Variants in PPIP5K1 observed in about 807,000 individuals in gnomAD.
PPIP5K1 encodes the protein inositol hexakisphosphate and diphosphoinositol-pentakisphosphate kinase 1.
A neutral mutation model predicts 27.7 loss-of-function variants in PPIP5K1; 6 were observed. The observed-to-expected ratio is 0.22, with a 90% CI of 0.12 to 0.43. PPIP5K1 has a LOEUF of 0.43. PPIP5K1 is among the 20% of genes least tolerant of loss of function. PPIP5K1 has a pLI of 1.00. For synonymous variants in PPIP5K1, 145 were observed against 242.6 expected, an observed-to-expected ratio of 0.60 and a Z score of 3.74; for missense variants, 394 against 635.4, an observed-to-expected ratio of 0.62 and a Z score of 4.08.
At chr15:43,537,007 A>G (rs750047486) in intron 31 of PPIP5K1, among the ~76,000 whole-genome samples, 6 of 152,078 alleles carry the variant, frequency 3.9e-5, no homozygotes, top group Non-Finnish European at 7.4e-5. Flanking sequence ...TCCATCATTG[A>G]GTTGAAGGTA....
chr15:43,557,657 T>C (rs1017648760), intron 30 of PPIP5K1, among the ~76,000 whole-genome samples: 11 of 149,228 alleles, frequency 7.4e-5, no homozygotes, highest in South Asian at 4.3e-4. Context: ...TCTCTTCTCT[T>C]TCTCTCTCTC....
intron 10 of PPIP5K1, among the ~76,000 whole-genome samples, chr15:43,579,493 A>ACACATATGTGTATATAGATG (rs1301839577): frequency 7.9e-5 from 8 of 100,756 alleles, no homozygotes; most frequent in East Asian, 3.8e-4. Flanking sequence ...ATATAGATAC[A>ACACATATGTGTATATAGATG]CACATATGTG....
chr15:43,535,083 T>C lies in PPIP5K1; in HGVS notation c.4064A>G (p.His1355Arg), dbSNP rs375329079. 9.3e-6 allele frequency: 15 copies of C among 1,613,930 alleles called. No individual in the cohort carries two copies. Among genetic ancestry groups the C allele is most frequent in the Non-Finnish European group, 1.1e-5 (13 of 1,180,008 alleles). The change falls in exon 32 of 32, where the codon CAC becomes CGC. Residue 1355 changes from histidine to arginine, a missense_variant. This residue lies in a region of PPIP5K1 where 379 missense variants were observed against 423.9 expected (regional missense o/e 0.89). Coordinates refer to ENST00000420765, the MANE Select transcript of PPIP5K1 (RefSeq NM_001394395.1). ...GATGTGAGGGACCTCCTGGCATGTG[T>C]GGTTACCATTGTCATGGTTCTCCTG... is the stretch of plus-strand genomic sequence containing the variant. ...QCQENHDNGNHTCQEVPHISQ... is the reference protein window; with the variant it reads ...QCQENHDNGNRTCQEVPHISQ...
chr15:43,535,414 C>A lies in PPIP5K1; in HGVS notation c.3733G>T (p.Gly1245Cys), dbSNP rs1406280763. ...AGPSSPTTVD[G>C]NSQFGFSDQP... Reference sequence around the variant, plus strand: ...TCACTGAAGCCAAATTGGGAGTTACCATCTACTGTAGTAGGGGAAGAAGGA... The same window carrying A: ...TCACTGAAGCCAAATTGGGAGTTACAATCTACTGTAGTAGGGGAAGAAGGA... The change falls in exon 32 of 32, where the codon GGT (glycine) becomes TGT (cysteine). Residue 1245 changes from glycine (G) to cysteine (C), a missense_variant. Around this residue, in one of 4 missense-constraint regions of PPIP5K1, gnomAD observed 379 missense variants for 423.9 expected, o/e 0.89. Coordinates refer to ENST00000420765, the MANE Select transcript of PPIP5K1 (RefSeq NM_001394395.1). 3 of 1,613,344 alleles carry A rather than the reference C, an allele frequency of 1.9e-6. No individual in the cohort carries two copies. Among genetic ancestry groups the A allele is most frequent in the Non-Finnish European group, 2.5e-6 (3 of 1,179,706 alleles).
intron 30 of PPIP5K1, among the ~76,000 whole-genome samples, chr15:43,543,448 A>C (rs1172616278): frequency 6.6e-6 from 1 of 152,038 alleles, no homozygotes; most frequent in Non-Finnish European, 1.5e-5. Flanking sequence ...ACAAAACAAA[A>C]AAAAAACTCC....
chr15:43,539,043 T>C (rs1305343468), intron 31 of PPIP5K1, among the ~76,000 whole-genome samples: 1 of 151,994 alleles, frequency 6.6e-6, no homozygotes, highest in African/African-American at 2.4e-5. Context: ...AAACCCCGTC[T>C]CTACTAAAAA....
At chr15:43,544,154 C>T (rs2081102788) in intron 30 of PPIP5K1, among the ~76,000 whole-genome samples, 1 of 152,114 alleles carries the variant, frequency 6.6e-6, no homozygotes, top group Admixed American at 6.6e-5. Context: ...CAGCCCCATT[C>T]CCTATTGTTA....
chr15:43,566,910 T>A (rs1403975926), intron 26 of PPIP5K1, among the ~76,000 whole-genome samples: 1 of 20,850 alleles, frequency 4.8e-5, no homozygotes, highest in Non-Finnish European at 6.8e-5. Context: ...CCTCAGATCA[T>A]CTCAGAGGGT....
chr15:43,539,665 A>C (rs2080406181), intron 30 of PPIP5K1, 82 bp from the exon 31 acceptor site: 1 of 856,546 alleles, frequency 1.2e-6, no homozygotes, highest in Non-Finnish European at 1.8e-6. Context: ...TTCTCAACAT[A>C]AGTCAAAGCC....
rs1051416710 is a variant in PPIP5K1 at position 43,548,406 on chromosome 15, C to CT, written c.3557-8824dup. 4.0e-3 allele frequency: 568 copies of CT among 143,556 alleles called. 3 individuals are homozygous for CT. Among genetic ancestry groups the CT allele is most frequent in the African/African-American group, 0.013 (507 of 39,226 alleles). The allele number at this position is 143,556 out of a possible 1,614,324, so 8.9% of individuals were successfully genotyped here. On this transcript the variant is annotated intron_variant, in intron 30 of 31. Transcript: ENST00000420765. ...ACAGGCATGAGCCACCACACCCAGG[C>CT]TTTTTTTTTTTCTTTTAATTTTTTG... is the stretch of plus-strand genomic sequence containing the variant.
At chr15:43,558,645 C>T in intron 30 of PPIP5K1, 150 bp downstream of exon 30, 1 of 1,144,336 alleles carries the variant, frequency 8.7e-7, no homozygotes, top group Non-Finnish European at 1.2e-6. Context: ...ACATGAACCA[C>T]TGCGCCCAGC....
chr15:43,554,568 T>C (rs2140980481), intron 30 of PPIP5K1, among the ~76,000 whole-genome samples: 1 of 151,534 alleles, frequency 6.6e-6, no homozygotes, highest in South Asian at 2.1e-4. Flanking sequence ...TTCAACCTAT[T>C]TGTGTCTTCG....
chr15:43,558,147 C>T (rs571200651), intron 30 of PPIP5K1, among the ~76,000 whole-genome samples: 6 of 151,128 alleles, frequency 4.0e-5, no homozygotes, highest in Middle Eastern at 3.4e-3. Context: ...TAGCAATCTC[C>T]GCCTCCTGGG....
chr15:43,548,657 A>T (rs571182337), intron 30 of PPIP5K1: 1 of 150,816 alleles, frequency 6.6e-6, no homozygotes, highest in African/African-American at 2.4e-5. Context: ...GGTTCAGGTG[A>T]TCCTCCTGCC....
intron 23 of PPIP5K1, 68 bp downstream of exon 23, chr15:43,572,701 G>GTTT: frequency 6.3e-5 from 30 of 475,316 alleles, no homozygotes; most frequent in Middle Eastern, 6.0e-4. Context: ...GGATAAGCAA[G>GTTT]TTTTTTTTTT....
In PPIP5K1 at chr15:43,580,596, A is replaced by ATTT. The variant is rs2084935311; in HGVS notation, c.1061+405_1061+406insAAA. 1.7e-5 allele frequency among the ~76,000 whole-genome samples: 2 copies of ATTT among 120,882 alleles called. 1 individual carries two copies. The highest frequency in any genetic ancestry group is 8.8e-5 in the African/African-American group (2 of 22,718). The allele number at this position is 120,882 out of a possible 152,430, so 79.3% of individuals were successfully genotyped here. ...TATTTTTTAATTTAATTAATTAATT[A>ATTT]ATTTATTTATTTATTGGGACGCAGT... On this transcript the variant is annotated intron_variant, in intron 10 of 31. Coordinates refer to ENST00000420765, the MANE Select transcript of PPIP5K1 (RefSeq NM_001394395.1).
intron 30 of PPIP5K1, 113 bp downstream of exon 30, chr15:43,558,681 CT>C: frequency 2.8e-6 from 4 of 1,406,166 alleles, no homozygotes; most frequent in Non-Finnish European, 3.9e-6. Flanking sequence ...TTTAAGTGTA[CT>C]TTTGTGTCTT....
At chr15:43,551,965 T>C (rs2082262441) in intron 30 of PPIP5K1, among the ~76,000 whole-genome samples, 1 of 144,390 alleles carries the variant, frequency 6.9e-6, no homozygotes, top group Non-Finnish European at 1.5e-5. Context: ...TAAATTAGAT[T>C]ATTGATTTCA....
At chr15:43,546,654 A>ATTT (rs58966502) in intron 30 of PPIP5K1, among the ~76,000 whole-genome samples, 9 of 106,500 alleles carry the variant, frequency 8.5e-5, no homozygotes, top group Admixed American at 3.4e-4. Flanking sequence ...CCTGTTTTCA[A>ATTT]TTTTTTTTTT....
Sources: allele counts gnomAD v4.1 joint callset (sites outside exome capture counted in the v4.1 genomes callset), GRCh38; gene constraint gnomAD v4.1.1; regional missense constraint gnomAD v4.1.1; transcripts MANE v1.5; gene names NCBI Gene and HGNC (gene_info 2026-07-23, HGNC 2026-07-21).